Variants in SLIT2 observed in about 807,000 individuals in gnomAD.
The protein encoded by SLIT2 is slit guidance ligand 2, also known as slit homolog 2 protein.
Under a neutral mutation model 185.7 loss-of-function variants are expected in SLIT2, and 41 were observed. The ratio of observed to expected loss-of-function variants is 0.22; its 90% CI spans 0.17 to 0.29. SLIT2 has a LOEUF of 0.29. Ranked by LOEUF, SLIT2 falls within the 10% of genes least tolerant of loss-of-function variation. The pLI is 1.00. For synonymous variants in SLIT2, 693 were observed against 680.2 expected (o/e 1.02, Z -0.29); for missense variants, 1,571 against 1,909.0 (o/e 0.82, Z 3.30).
intron 4 of SLIT2, among the ~76,000 whole-genome samples, chr4:20,431,517 C>A (rs116472127): frequency 6.6e-6 from 1 of 152,228 alleles, no homozygotes; most frequent in East Asian, 1.9e-4. Flanking sequence ...TCTTTAACAT[C>A]GACTCTGACT....
In SLIT2 at chr4:20,553,792, G is replaced by T. The variant is rs370337584; in HGVS notation, c.2562-13G>T. 2.2e-5 allele frequency: 34 copies of T among 1,554,822 alleles called. No homozygotes were observed. The highest frequency in any genetic ancestry group is 2.8e-5 in the Non-Finnish European group (32 of 1,155,158). On this transcript the variant is annotated splice_polypyrimidine_tract_variant and intron_variant, in intron 25 of 36. Transcript: ENST00000504154. ...GTGTATGTGTGTGTGCTTCTGTGGT[G>T]TTGTTTTTCCAGAGCAATTGGAGCC...
At position 20,523,804 on chromosome 4, in the gene SLIT2, T is replaced by C; in HGVS notation, c.1175T>C (p.Phe392Ser). The C allele has an allele frequency of 6.2e-7, 1 of 1,613,822 alleles. No homozygotes were observed. The highest frequency in any genetic ancestry group is 8.5e-7 in the Non-Finnish European group (1 of 1,179,728). ...ATAAACTGCCTTCGGGTAGATGCTT[T>C]TCAGGATCTCCACAACTTGAACCTT... ...NKINCLRVDA[F>S]QDLHNLNLLS... is the part of the protein sequence containing the mutation. The change falls in exon 13 of 37, where the codon TTT (phenylalanine) becomes TCT (serine). Residue 392 changes from phenylalanine to serine, a missense_variant. By Grantham distance (155) the Phe-to-Ser change is radical. Coordinates refer to ENST00000504154, the MANE Select transcript of SLIT2 (RefSeq NM_004787.4).
At chr4:20,548,243 A>G (rs1723427924) in intron 22 of SLIT2, among the ~76,000 whole-genome samples, 2 of 152,102 alleles carry the variant, frequency 1.3e-5, no homozygotes, top group African/African-American at 4.8e-5. Context: ...TTGCACGTAC[A>G]CTACATTGGC....
chr4:20,327,062 T>C (rs1719658773), intron 4 of SLIT2, among the ~76,000 whole-genome samples: 1 of 152,008 alleles, frequency 6.6e-6, no homozygotes, highest in African/African-American at 2.4e-5. Context: ...AGTAGGTTTC[T>C]AAGCCAGTTT....
At chr4:20,599,496 T>G (rs1262378640) in intron 33 of SLIT2, among the ~76,000 whole-genome samples, 1 of 152,158 alleles carries the variant, frequency 6.6e-6, no homozygotes, top group Non-Finnish European at 1.5e-5. Context: ...AGATCTAAAT[T>G]TTTACATAAG....
chr4:20,614,955 C>G (rs1729540192), intron 34 of SLIT2: 1 of 152,042 alleles, frequency 6.6e-6, no homozygotes, highest in South Asian at 2.1e-4. Context: ...TGGGCTTTTT[C>G]TAATTGTTAG....
intron 4 of SLIT2, among the ~76,000 whole-genome samples, chr4:20,347,481 T>G (rs1463532271): frequency 2.0e-5 from 3 of 152,246 alleles, no homozygotes; most frequent in Admixed American, 6.5e-5. Flanking sequence ...TACTTATTCC[T>G]GTGGCATTTT....
chr4:20,519,041 A>G (rs929974867), intron 11 of SLIT2, among the ~76,000 whole-genome samples: 2 of 152,130 alleles, frequency 1.3e-5, no homozygotes, highest in African/African-American at 4.8e-5. Flanking sequence ...CTTCTTTGTC[A>G]TATATAGTGT....
At chr4:20,444,086 A>T (rs927381658) in intron 4 of SLIT2, among the ~76,000 whole-genome samples, 2 of 152,286 alleles carry the variant, frequency 1.3e-5, no homozygotes, top group Admixed American at 1.3e-4. Context: ...ATTACTGTGG[A>T]TATTATAGAT....
At chr4:20,471,271 A>C (rs1006717605) in intron 5 of SLIT2, among the ~76,000 whole-genome samples, 10 of 66,800 alleles carry the variant, frequency 1.5e-4, no homozygotes, top group Admixed American at 4.0e-4. Context: ...GGTTTGTATG[A>C]AGTTTAATCA....
intron 36 of SLIT2, 82 bp downstream of exon 36, chr4:20,617,732 TGAAA>T: frequency 2.1e-6 from 1 of 467,764 alleles, no homozygotes; most frequent in Non-Finnish European, 3.1e-6. Context: ...GGAGAAAAAG[TGAAA>T]AAAAAAAAAA....
chr4:20,282,240 G>C (rs963504853), intron 4 of SLIT2, among the ~76,000 whole-genome samples: 1 of 152,122 alleles, frequency 6.6e-6, no homozygotes, highest in African/African-American at 2.4e-5. Context: ...AAAGAGAAAA[G>C]TGGTTTAAAA....
At chr4:20,264,912 A>C (rs913157075) in intron 3 of SLIT2, among the ~76,000 whole-genome samples, 3 of 151,948 alleles carry the variant, frequency 2.0e-5, no homozygotes, top group African/African-American at 7.2e-5. Context: ...GTGATGACAC[A>C]TGACTTATAT....
intron 4 of SLIT2, among the ~76,000 whole-genome samples, chr4:20,296,027 G>A (rs1050785874): frequency 1.3e-5 from 2 of 152,218 alleles, no homozygotes; most frequent in Non-Finnish European, 2.9e-5. Flanking sequence ...TCAGAAGTAT[G>A]TTCAGACAAG....
chr4:20,439,420 G>C (rs1360683032), intron 4 of SLIT2, among the ~76,000 whole-genome samples: 1 of 152,140 alleles, frequency 6.6e-6, no homozygotes, highest in Non-Finnish European at 1.5e-5. Flanking sequence ...TTAGCTGCTG[G>C]TGGTTTGCCA....
intron 9 of SLIT2, among the ~76,000 whole-genome samples, chr4:20,507,711 C>T: frequency 6.6e-6 from 1 of 151,402 alleles, no homozygotes; most frequent in African/African-American, 2.4e-5. Context: ...TTTCAAGAAC[C>T]TGAAATAATA....
At position 20,378,115 on chromosome 4, in the gene SLIT2, G is replaced by A. The variant is rs561022459; in HGVS notation, c.396-89637G>A. Reference sequence around the variant, plus strand: ...ATTTACAAATAAATTAATTATGATTGAAAAAGGCAGAATATTTTGGAAGCT... The same window carrying A: ...ATTTACAAATAAATTAATTATGATTAAAAAAGGCAGAATATTTTGGAAGCT... On this transcript the variant is annotated intron_variant, in intron 4 of 36. Coordinates refer to ENST00000504154, the MANE Select transcript of SLIT2 (RefSeq NM_004787.4). Among the ~76,000 whole-genome samples, 24 of 152,178 alleles carry A rather than the reference G, an allele frequency of 1.6e-4. No homozygotes were observed. The South Asian group carries it at 4.6e-3, about 29-fold the overall frequency.
intron 3 of SLIT2, among the ~76,000 whole-genome samples, chr4:20,268,364 T>C (rs1470723649): frequency 2.0e-5 from 3 of 151,156 alleles, no homozygotes; most frequent in Non-Finnish European, 4.4e-5. Context: ...CCCAACTAAA[T>C]GAAAAGCTAA....
intron 2 of SLIT2, 87 bp downstream of exon 2, chr4:20,256,830 A>T: frequency 1.6e-6 from 1 of 626,484 alleles, no homozygotes; most frequent in South Asian, 2.3e-5. Context: ...GACTATTCTG[A>T]TGACAGTAAC....
Sources: gnomAD v4.1 joint callset for allele counts (sites outside exome capture counted in the v4.1 genomes callset) on GRCh38, gnomAD v4.1.1 for gene constraint, MANE v1.5 for transcripts, NCBI Gene and HGNC (gene_info 2026-07-23, HGNC 2026-07-21) for gene names.